ACACA: variants seen among roughly 807,000 people sequenced by gnomAD.
ACACA encodes the protein acetyl-CoA carboxylase alpha.
A neutral mutation model predicts 296.1 loss-of-function variants in ACACA; 103 were observed. The ratio of observed to expected loss-of-function variants is 0.35; its 90% CI spans 0.30 to 0.41. ACACA has a LOEUF of 0.41. Among genes scored for constraint, ACACA ranks in the 10% least tolerant of loss-of-function variants. The pLI is 1.00. For synonymous variants in ACACA, 953 were observed against 1,038.6 expected (o/e 0.92, Z 1.58); for missense variants, 1,554 against 2,989.7 (o/e 0.52, Z 11.20).
chr17:37,206,928 A>C (rs1484780917), intron 31 of ACACA, 49 bp from the exon 32 acceptor site: 3 of 1,442,968 alleles, frequency 2.1e-6, no homozygotes, highest in South Asian at 2.3e-5. Flanking sequence ...AGTGGCATGA[A>C]ACTAACACTG....
chr17:37,139,938 A>G (rs557293130), intron 45 of ACACA, among the ~76,000 whole-genome samples: 1 of 152,364 alleles, frequency 6.6e-6, no homozygotes, highest in Non-Finnish European at 1.5e-5. Context: ...CCAATTGGTC[A>G]TATCACAAAA....
intron 52 of ACACA, among the ~76,000 whole-genome samples, chr17:37,107,541 G>A (rs560839951): frequency 6.6e-6 from 1 of 152,304 alleles, no homozygotes; most frequent in East Asian, 1.9e-4. Context: ...GGTGGGTGTG[G>A]GCAGGCCTAG....
chr17:37,374,068 A>G (rs1274916453), intron 1 of ACACA, among the ~76,000 whole-genome samples: 1 of 152,020 alleles, frequency 6.6e-6, no homozygotes, highest in Non-Finnish European at 1.5e-5. Flanking sequence ...TTTTTTAAAA[A>G]GTTTTCTAGT....
At chr17:37,191,428 C>T (rs2077745711) in intron 37 of ACACA, among the ~76,000 whole-genome samples, 153 bp from the exon 38 acceptor site, 2 of 152,074 alleles carry the variant, frequency 1.3e-5, no homozygotes, top group South Asian at 4.2e-4. Context: ...GTCCAGTAAC[C>T]ACAGGGAGCA....
In ACACA at chr17:37,224,984, AT is replaced by A; in HGVS notation, c.3474+7del. 1 of 1,325,232 alleles carries A rather than the reference AT, an allele frequency of 7.5e-7. No individual in the cohort carries two copies. The highest frequency in any genetic ancestry group is 1.1e-6 in the Non-Finnish European group (1 of 921,498). The allele number at this position is 1,325,232 out of a possible 1,614,324, so 82.1% of individuals were successfully genotyped here. ...GAAAGGGTTATATATATATATATAT[AT>A]ATATACCTGCAGGTTCTCAATGCAA... On this transcript the variant is annotated splice_region_variant and intron_variant, in intron 27 of 55. Coordinates refer to ENST00000616317, the MANE Select transcript of ACACA (RefSeq NM_198834.3).
intron 45 of ACACA, chr17:37,141,309 A>G: frequency 1.9e-6 from 1 of 513,254 alleles, no homozygotes; most frequent in African/African-American, 1.9e-5. Flanking sequence ...CCTTGCCCTC[A>G]GCCTTGCCTC....
At chr17:37,100,391 T>C (rs1449078434) in intron 52 of ACACA, among the ~76,000 whole-genome samples, 4 of 152,190 alleles carry the variant, frequency 2.6e-5, no homozygotes, top group Non-Finnish European at 4.4e-5. Flanking sequence ...TGACTCCTGA[T>C]GATGTACTGA....
At chr17:37,181,864 C>CA (rs2077333844) in intron 39 of ACACA, among the ~76,000 whole-genome samples, 1 of 127,254 alleles carries the variant, frequency 7.9e-6, no homozygotes, top group South Asian at 2.6e-4. Context: ...TGCGCCACTG[C>CA]ACTCCAGCCT....
intron 50 of ACACA, among the ~76,000 whole-genome samples, chr17:37,116,121 T>C (rs2074237540): frequency 6.6e-6 from 1 of 152,198 alleles, no homozygotes; most frequent in South Asian, 2.1e-4. Context: ...ACACCCCAAG[T>C]AACTGAGACT....
chr17:37,189,183 G>A (rs146936395), intron 38 of ACACA, among the ~76,000 whole-genome samples: 1 of 152,254 alleles, frequency 6.6e-6, no homozygotes, highest in East Asian at 1.9e-4. Context: ...TAACTAAATG[G>A]CCTTAGACAT....
chr17:37,231,313 G>A (rs1598261724), intron 25 of ACACA, among the ~76,000 whole-genome samples: 1 of 151,832 alleles, frequency 6.6e-6, no homozygotes, highest in African/African-American at 2.4e-5. Context: ...AATTCAAAAC[G>A]AAAAGAATGT....
intron 5 of ACACA, among the ~76,000 whole-genome samples, chr17:37,279,449 A>G (rs2082408624): frequency 6.6e-6 from 1 of 152,146 alleles, no homozygotes; most frequent in African/African-American, 2.4e-5. Context: ...CCTGGCTAAC[A>G]TGGTGAAACC....
At chr17:37,123,361 T>C (rs2074616876) in intron 48 of ACACA, among the ~76,000 whole-genome samples, 2 of 152,324 alleles carry the variant, frequency 1.3e-5, no homozygotes, top group Non-Finnish European at 2.9e-5. Flanking sequence ...AAAAACTGTT[T>C]AGGAGCTCAA....
intron 50 of ACACA, among the ~76,000 whole-genome samples, chr17:37,114,733 T>C (rs1597859490): frequency 6.6e-6 from 1 of 152,156 alleles, no homozygotes; most frequent in Admixed American, 6.5e-5. Flanking sequence ...TGAGTCCAGA[T>C]GTTTAATGAG....
intron 3 of ACACA, among the ~76,000 whole-genome samples, chr17:37,305,087 C>A (rs1028440440): frequency 5.3e-5 from 8 of 152,032 alleles, no homozygotes; most frequent in Admixed American, 5.2e-4. Flanking sequence ...TGACTTTTTT[C>A]CTAAACATGG....
chr17:37,092,995 G>A (rs1194328439), intron 54 of ACACA, among the ~76,000 whole-genome samples: 3 of 152,178 alleles, frequency 2.0e-5, no homozygotes, highest in Non-Finnish European at 4.4e-5. Flanking sequence ...TCAGACCCCT[G>A]TGAACCAAGC....
At chr17:37,164,552 T>A (rs1220766944) in intron 41 of ACACA, among the ~76,000 whole-genome samples, 2 of 152,130 alleles carry the variant, frequency 1.3e-5, no homozygotes, top group African/African-American at 4.8e-5. Context: ...ATCTACTCAT[T>A]AAAGACAGAG....
chr17:37,299,650 T>G (rs750103928), intron 3 of ACACA: 152 of 1,118,056 alleles, frequency 1.4e-4, no homozygotes, highest in Non-Finnish European at 1.6e-4. Flanking sequence ...TATAAAAGCT[T>G]GTTTAACTAG....
At chr17:37,169,644 A>G (rs1411563838) in intron 41 of ACACA, among the ~76,000 whole-genome samples, 9 of 152,166 alleles carry the variant, frequency 5.9e-5, no homozygotes, top group Admixed American at 6.5e-5. Flanking sequence ...AAATTCTACA[A>G]TCACTATAAA....
Sources: allele counts gnomAD v4.1 joint callset (sites outside exome capture counted in the v4.1 genomes callset), GRCh38; gene constraint gnomAD v4.1.1; transcripts MANE v1.5; gene names NCBI Gene and HGNC (gene_info 2026-07-23, HGNC 2026-07-21).